The following NRG1 variants were observed in gnomAD, a reference collection of about 807,000 sequenced individuals.
The protein encoded by NRG1 is pro-neuregulin-1, membrane-bound isoform.
In NRG1, 18 loss-of-function variants were observed where a neutral mutation model predicts 63.8. That is an observed-to-expected ratio of 0.28 (90% CI 0.19 to 0.42). The LOEUF is 0.42. Among genes scored for constraint, NRG1 ranks in the 10% least tolerant of loss-of-function variants. The probability of loss-of-function intolerance (pLI) is 1.00; values close to 1 mark genes in which losing one functional copy is unlikely to be tolerated. For missense variants in NRG1, 762 were observed against 814.7 expected, an observed-to-expected ratio of 0.94 and a Z score of 0.79; for synonymous variants, 302 against 301.3, an observed-to-expected ratio of 1.00 and a Z score of -0.02.
intron 5 of NRG1, among the ~76,000 whole-genome samples, chr8:32,679,288 G>A (rs1289010755): frequency 4.6e-5 from 7 of 152,076 alleles, no homozygotes; most frequent in African/African-American, 4.8e-5. Context: ...TAATGCCAGC[G>A]ATTTAACTGT....
At chr8:32,350,146 T>C (rs150998389) in intron 1 of NRG1, among the ~76,000 whole-genome samples, 1,633 of 152,242 alleles carry the variant, frequency 0.011, 27 homozygotes, top group South Asian at 0.026. Flanking sequence ...CACCCTCCTA[T>C]CTTCTTTCCC....
chr8:32,161,699 T>C (rs1345223771), intron 1 of NRG1, among the ~76,000 whole-genome samples: 1 of 152,160 alleles, frequency 6.6e-6, no homozygotes, highest in African/African-American at 2.4e-5. Context: ...TTGTTCTTGG[T>C]TGGGTTGTTC....
intron 1 of NRG1, among the ~76,000 whole-genome samples, chr8:32,467,079 C>T (rs1484439214): frequency 6.6e-6 from 1 of 152,016 alleles, no homozygotes; most frequent in African/African-American, 2.4e-5. Flanking sequence ...TTAACCTTGC[C>T]TCCCATAAAG....
chr8:31,997,519 T>C (rs976632287), intron 1 of NRG1, among the ~76,000 whole-genome samples: 3 of 151,984 alleles, frequency 2.0e-5, no homozygotes, highest in African/African-American at 7.2e-5. Flanking sequence ...CTTCATTTAA[T>C]CATCAAAAAC....
chr8:32,708,918 A>T (rs1289068780), intron 5 of NRG1, among the ~76,000 whole-genome samples: 1 of 152,198 alleles, frequency 6.6e-6, no homozygotes, highest in East Asian at 1.9e-4. Context: ...ATGGAAAGCA[A>T]CCGCATTAAC....
intron 5 of NRG1, among the ~76,000 whole-genome samples, chr8:32,689,392 T>C (rs1245102960): frequency 6.6e-6 from 1 of 152,070 alleles, no homozygotes; most frequent in Non-Finnish European, 1.5e-5. Flanking sequence ...GAAAATAACA[T>C]AAAGAATGAA....
chr8:32,320,390 G>C (rs1282627367), intron 1 of NRG1, among the ~76,000 whole-genome samples: 2 of 152,148 alleles, frequency 1.3e-5, no homozygotes, highest in Non-Finnish European at 2.9e-5. Context: ...TTGCTATAAA[G>C]AACTACCTGA....
At chr8:32,773,692 C>T (rs1239096137) in intron 7 of NRG1, among the ~76,000 whole-genome samples, 1 of 152,142 alleles carries the variant, frequency 6.6e-6, no homozygotes, top group Non-Finnish European at 1.5e-5. Flanking sequence ...CATCTACTTC[C>T]TTTCACTCCC....
intron 5 of NRG1, among the ~76,000 whole-genome samples, chr8:32,701,343 T>C (rs544254311): frequency 3.9e-5 from 6 of 152,184 alleles, no homozygotes; most frequent in Non-Finnish European, 5.9e-5. Flanking sequence ...ACTGTGACAT[T>C]CATTCCATGT....
chr8:31,773,858 A>T (rs1269667329), intron 1 of NRG1, among the ~76,000 whole-genome samples: 1 of 152,076 alleles, frequency 6.6e-6, no homozygotes, highest in East Asian at 1.9e-4. Context: ...ATTTTATGCC[A>T]TGTATCAGTT....
At chr8:32,085,125 C>T (rs1406882779) in intron 1 of NRG1, among the ~76,000 whole-genome samples, 2 of 152,206 alleles carry the variant, frequency 1.3e-5, no homozygotes, top group Non-Finnish European at 2.9e-5. Flanking sequence ...AATTATTGCT[C>T]TATATCCTTT....
chr8:32,585,477 C>T (rs1272135192), intron 1 of NRG1, among the ~76,000 whole-genome samples: 2 of 152,186 alleles, frequency 1.3e-5, no homozygotes, highest in African/African-American at 2.4e-5. Flanking sequence ...CTCCAGCATT[C>T]ATTGTCACGG....
At chr8:31,659,204 C>T (rs1420017133) in intron 1 of NRG1, among the ~76,000 whole-genome samples, 2 of 152,132 alleles carry the variant, frequency 1.3e-5, no homozygotes, top group East Asian at 3.9e-4. Context: ...GCGAGGGTTC[C>T]TTCACTAGAA....
At chr8:32,728,203 A>T (rs1430778686) in intron 6 of NRG1, 125 bp downstream of exon 6, 1 of 1,507,752 alleles carries the variant, frequency 6.6e-7, no homozygotes, top group East Asian at 2.3e-5. Flanking sequence ...ATGCTGTTTT[A>T]TATGTAGAGT....
At chr8:31,659,490 G>A (rs926346766) in intron 1 of NRG1, among the ~76,000 whole-genome samples, 4 of 152,068 alleles carry the variant, frequency 2.6e-5, no homozygotes, top group African/African-American at 9.7e-5. Flanking sequence ...CCAGGGGCGA[G>A]GGGGGATACC....
At chr8:32,287,393 G>A (rs1853660909) in intron 1 of NRG1, 2 of 152,368 alleles carry the variant, frequency 1.3e-5, no homozygotes, top group South Asian at 2.1e-4. Context: ...AATTTGGGAT[G>A]TTTTTGCAAT....
intron 1 of NRG1, among the ~76,000 whole-genome samples, chr8:32,105,925 G>T (rs1175037182): frequency 6.6e-6 from 1 of 152,046 alleles, no homozygotes; most frequent in Non-Finnish European, 1.5e-5. Context: ...TCCACCCAGG[G>T]TTTCTTTTGA....
chr8:31,898,237 T>C (rs1478929207), intron 1 of NRG1, among the ~76,000 whole-genome samples: 2 of 152,196 alleles, frequency 1.3e-5, no homozygotes, highest in Admixed American at 1.3e-4. Context: ...CTCAGGCTAC[T>C]GGTCATTCAC....
intron 1 of NRG1, among the ~76,000 whole-genome samples, chr8:32,012,691 T>C (rs1814942871): frequency 6.6e-6 from 1 of 152,020 alleles, no homozygotes; most frequent in Admixed American, 6.6e-5. Flanking sequence ...AACTGGAAAA[T>C]TGGACTAAAA....
Sources: allele counts gnomAD v4.1 joint callset (sites outside exome capture counted in the v4.1 genomes callset), GRCh38; gene constraint gnomAD v4.1.1; transcripts MANE v1.5; gene names NCBI Gene and HGNC (gene_info 2026-07-23, HGNC 2026-07-21).